The following UXS1 variants were observed in gnomAD, a reference collection of about 807,000 sequenced individuals.
UXS1 encodes UDP-glucuronate decarboxylase 1, also known as UDP-glucuronic acid decarboxylase 1.
UXS1 carries 33 observed loss-of-function variants against 62.6 expected under a neutral mutation model. The ratio of observed to expected loss-of-function variants is 0.53; its 90% CI spans 0.40 to 0.70. The LOEUF (loss-of-function observed/expected upper bound fraction) is 0.70. UXS1 is among the 30% of genes least tolerant of loss of function. UXS1 has a pLI of 0.00. For synonymous variants in UXS1, 213 were observed against 206.8 expected, an observed-to-expected ratio of 1.03 and a Z score of -0.26; for missense variants, 434 against 556.3, an observed-to-expected ratio of 0.78 and a Z score of 2.21.
At chr2:106,120,392 C>A (rs1271686795) in intron 9 of UXS1, among the ~76,000 whole-genome samples, 1 of 152,184 alleles carries the variant, frequency 6.6e-6, no homozygotes, top group Non-Finnish European at 1.5e-5. Flanking sequence ...AGGGCACGGT[C>A]CTCCCTGACA....
chr2:106,194,002 G>T, intron 1 of UXS1, 146 bp downstream of exon 1: 1 of 473,058 alleles, frequency 2.1e-6, no homozygotes, highest in South Asian at 5.5e-5. Context: ...GGAAAGGGGT[G>T]GGAGCAGAAA....
intron 8 of UXS1, among the ~76,000 whole-genome samples, chr2:106,124,273 A>C (rs1330905947): frequency 6.6e-6 from 1 of 152,196 alleles, no homozygotes; most frequent in African/African-American, 2.4e-5. Flanking sequence ...CATAAATTTG[A>C]CAAAGGACAA....
At chr2:106,176,150 C>T (rs187188706) in intron 1 of UXS1, among the ~76,000 whole-genome samples, 2 of 152,272 alleles carry the variant, frequency 1.3e-5, no homozygotes, top group African/African-American at 4.8e-5. Context: ...ATTCTGATCC[C>T]TATCCCCCCA....
At chr2:106,121,910 A>G (rs1007130477) in intron 9 of UXS1, among the ~76,000 whole-genome samples, 1 of 152,196 alleles carries the variant, frequency 6.6e-6, no homozygotes, top group African/African-American at 2.4e-5. Flanking sequence ...CGGGAAGGGA[A>G]GTCGATTAAA....
chr2:106,160,626 T>G (rs1039920303), intron 4 of UXS1: 1 of 152,226 alleles, frequency 6.6e-6, no homozygotes, highest in Admixed American at 6.5e-5. Context: ...CAGCTTAGAA[T>G]AGTCCCTATC....
chr2:106,129,744 G>A lies in UXS1; in HGVS notation c.507C>T (p.Ser169=), dbSNP rs759358717. The A allele has an allele frequency of 1.2e-6, 2 of 1,611,448 alleles. No individual in the cohort carries two copies. Among genetic ancestry groups the A allele is most frequent in the South Asian group, 2.2e-5 (2 of 90,412 alleles). ...TAGGATTATACATGTAGTTTGGAGG[G>A]GAGGCTGGAGATGCCAGATGGTATA... ...DQIYHLASPA[S]PPNYMYNPIK... is the part of the protein sequence containing the mutation. Residue 169 remains serine, a synonymous_variant, in exon 7 of 15, where the codon TCC becomes TCT. Transcript: ENST00000283148.
At chr2:106,142,052 G>T (rs1350789690) in intron 6 of UXS1, among the ~76,000 whole-genome samples, 4 of 150,108 alleles carry the variant, frequency 2.7e-5, no homozygotes, top group Non-Finnish European at 5.9e-5. Context: ...TTGTATTTTT[G>T]GTAGAGACTG....
chr2:106,101,828 G>A (rs943217501), intron 11 of UXS1: 3 of 152,216 alleles, frequency 2.0e-5, no homozygotes, highest in Non-Finnish European at 2.9e-5. Context: ...ATTTTCAGAA[G>A]CTTTAAAGTG....
chr2:106,179,914 T>C (rs1684133834), intron 1 of UXS1, among the ~76,000 whole-genome samples: 1 of 152,140 alleles, frequency 6.6e-6, no homozygotes, highest in African/African-American at 2.4e-5. Context: ...CAGACCAGCC[T>C]GGCCAACATG....
chr2:106,167,863 A>T (rs1290833513), intron 1 of UXS1, among the ~76,000 whole-genome samples: 9 of 152,188 alleles, frequency 5.9e-5, no homozygotes, highest in Admixed American at 5.9e-4. Context: ...GGAAGTCACC[A>T]TAAGATACAG....
intron 11 of UXS1, 129 bp from the exon 12 acceptor site, chr2:106,101,247 G>A: frequency 1.1e-6 from 1 of 888,972 alleles, no homozygotes; most frequent in East Asian, 2.6e-5. Flanking sequence ...ATGGAAAATT[G>A]AATGTCGAAA....
chr2:106,109,411 C>T (rs1375449068), intron 10 of UXS1, among the ~76,000 whole-genome samples: 1 of 152,134 alleles, frequency 6.6e-6, no homozygotes, highest in African/African-American at 2.4e-5. Context: ...CCACAATTTC[C>T]CTTTGGAAGA....
intron 1 of UXS1, among the ~76,000 whole-genome samples, chr2:106,175,435 T>TA (rs1683819333): frequency 6.6e-6 from 1 of 152,218 alleles, no homozygotes; most frequent in African/African-American, 2.4e-5. Context: ...GTGACACTTT[T>TA]AAAACCTATC....
chr2:106,101,189 C>A, intron 11 of UXS1, 71 bp from the exon 12 acceptor site: 4 of 1,501,966 alleles, frequency 2.7e-6, no homozygotes, highest in South Asian at 1.3e-5. Flanking sequence ...CACATAGAAG[C>A]CCTCCCAGAA....
chr2:106,173,204 T>C (rs894392), intron 1 of UXS1, among the ~76,000 whole-genome samples: 16,158 of 152,210 alleles, frequency 0.11, 1,261 homozygotes, highest in East Asian at 0.32. Context: ...CCCTAAATAT[T>C]TGCTGAAAGC....
intron 9 of UXS1, 81 bp from the exon 10 acceptor site, chr2:106,112,846 G>A (rs1394919422): frequency 6.6e-7 from 1 of 1,518,440 alleles, no homozygotes; most frequent in East Asian, 2.4e-5. Flanking sequence ...TGCCCTGCAT[G>A]CAATGCAGAA....
At chr2:106,140,230 G>C (rs1257037592) in intron 6 of UXS1, among the ~76,000 whole-genome samples, 1 of 152,206 alleles carries the variant, frequency 6.6e-6, no homozygotes, top group East Asian at 1.9e-4. Flanking sequence ...ACTGTTCTGA[G>C]CGAGGGGCTC....
intron 6 of UXS1, among the ~76,000 whole-genome samples, chr2:106,136,774 AG>A (rs1230990911): frequency 1.9e-5 from 1 of 51,992 alleles, no homozygotes; most frequent in Non-Finnish European, 3.7e-5. Flanking sequence ...GGGTCGGGGG[AG>A]GGGGGAGGGA....
chr2:106,103,874 C>T (rs905308627), intron 11 of UXS1, among the ~76,000 whole-genome samples: 5 of 152,122 alleles, frequency 3.3e-5, no homozygotes, highest in South Asian at 2.1e-4. Flanking sequence ...CATTTCTCCA[C>T]GGGACTCCTA....
Sources: allele counts gnomAD v4.1 joint callset (sites outside exome capture counted in the v4.1 genomes callset), GRCh38; gene constraint gnomAD v4.1.1; transcripts MANE v1.5; gene names NCBI Gene and HGNC (gene_info 2026-07-23, HGNC 2026-07-21).